RPTOR: variants seen among roughly 807,000 people sequenced by gnomAD.
RPTOR encodes regulatory-associated protein of mTOR.
In RPTOR, 21 loss-of-function variants were observed where a neutral mutation model predicts 169.9. The observed-to-expected ratio is 0.12, with a 90% CI of 0.09 to 0.18. The LOEUF (loss-of-function observed/expected upper bound fraction) is 0.18. Among genes scored for constraint, RPTOR ranks in the 10% least tolerant of loss-of-function variants. The pLI is 1.00. For missense variants in RPTOR, 1,133 were observed against 1,855.9 expected (o/e 0.61, Z 7.16); for synonymous variants, 732 against 753.2 (o/e 0.97, Z 0.46).
chr17:80,634,859 T>TGTGCGTACC, intron 2 of RPTOR, among the ~76,000 whole-genome samples: 1 of 47,612 alleles, frequency 2.1e-5, no homozygotes, highest in Admixed American at 1.6e-4. Context: ...GTGCATACCG[T>TGTGCGTACC]GTGTGTGTGC....
chr17:80,729,886 G>A (rs1449200547), intron 4 of RPTOR, among the ~76,000 whole-genome samples: 1 of 152,124 alleles, frequency 6.6e-6, no homozygotes, highest in African/African-American at 2.4e-5. Context: ...GCAGCCATGG[G>A]GTACATGAGG....
intron 21 of RPTOR, among the ~76,000 whole-genome samples, chr17:80,918,473 G>C (rs2143963487): frequency 9.6e-6 from 1 of 104,470 alleles, no homozygotes; most frequent in South Asian, 2.7e-4. Flanking sequence ...CCTCGCCGGA[G>C]TCATAGCCAC....
chr17:80,582,451 T>C (rs2065022242), intron 1 of RPTOR, among the ~76,000 whole-genome samples: 1 of 151,878 alleles, frequency 6.6e-6, no homozygotes, highest in East Asian at 1.9e-4. Context: ...CCTGCTTCCC[T>C]GAGCTGCACG....
At chr17:80,711,744 C>CTTTTTTTTTTTTT (rs1226456124) in intron 4 of RPTOR, among the ~76,000 whole-genome samples, 12,568 of 87,434 alleles carry the variant, frequency 0.14, 2,696 homozygotes, top group Non-Finnish European at 0.18. Flanking sequence ...ATACATCAGT[C>CTTTTTTTTTTTTT]TTTTTTTTTT....
chr17:80,603,547 C>G (rs2065206647), intron 1 of RPTOR, among the ~76,000 whole-genome samples: 1 of 152,134 alleles, frequency 6.6e-6, no homozygotes, highest in Non-Finnish European at 1.5e-5. Flanking sequence ...CCACTTCCTG[C>G]TTCCAGGATT....
chr17:80,742,795 C>A (rs2143263553), intron 5 of RPTOR, among the ~76,000 whole-genome samples: 1 of 152,166 alleles, frequency 6.6e-6, no homozygotes, highest in Middle Eastern at 3.4e-3. Flanking sequence ...TACACACATG[C>A]ACACGCCTAT....
intron 13 of RPTOR, among the ~76,000 whole-genome samples, chr17:80,876,680 C>T (rs1172015177): frequency 2.1e-4 from 21 of 100,964 alleles, no homozygotes; most frequent in South Asian, 3.9e-4. Context: ...TGTCGCCTGC[C>T]GGGTCTTCCA....
At chr17:80,719,124 T>C (rs963924476) in intron 4 of RPTOR, among the ~76,000 whole-genome samples, 3 of 152,028 alleles carry the variant, frequency 2.0e-5, no homozygotes, top group African/African-American at 7.3e-5. Flanking sequence ...TCGTGAGAAG[T>C]AGGGGCAGAC....
At chr17:80,847,143 C>A (rs1372997643) in intron 11 of RPTOR, among the ~76,000 whole-genome samples, 2 of 152,276 alleles carry the variant, frequency 1.3e-5, no homozygotes, top group Non-Finnish European at 2.9e-5. Context: ...GCAGCCCTTC[C>A]CTTGCACGGG....
chr17:80,772,740 CA>C (rs1433398419), intron 6 of RPTOR, among the ~76,000 whole-genome samples: 1 of 151,980 alleles, frequency 6.6e-6, no homozygotes, highest in African/African-American at 2.4e-5. Flanking sequence ...TCTTAAGGAA[CA>C]GACTAATGTG....
intron 21 of RPTOR, among the ~76,000 whole-genome samples, chr17:80,915,197 AG>A (rs1161982093): frequency 1.3e-5 from 2 of 151,314 alleles, no homozygotes; most frequent in African/African-American, 4.9e-5. Context: ...CCAGCTGCAG[AG>A]AGGAGCTGCA....
intron 24 of RPTOR, among the ~76,000 whole-genome samples, chr17:80,937,886 A>G (rs1439647857): frequency 6.6e-6 from 1 of 151,948 alleles, no homozygotes; most frequent in Non-Finnish European, 1.5e-5. Flanking sequence ...CCGCACCTCC[A>G]CTTCTGCCCA....
rs1248554692 is a variant in RPTOR, at chr17:80,832,479, G to C, written c.1137-5443G>C. 2.0e-5 allele frequency among the ~76,000 whole-genome samples: 3 copies of C among 152,336 alleles called. No homozygotes were observed. The South Asian group carries it at 6.2e-4, about 32-fold the overall frequency. On this transcript the variant is annotated intron_variant, in intron 9 of 33. Coordinates refer to ENST00000306801, the MANE Select transcript of RPTOR (RefSeq NM_020761.3). Reference sequence around the variant, plus strand: ...CTCATCCAGGGAGGGAGGGAATGTGGCCTCCACCTTGAGTGGCATGTCCCA... The same window carrying C: ...CTCATCCAGGGAGGGAGGGAATGTGCCCTCCACCTTGAGTGGCATGTCCCA...
At chr17:80,713,469 G>T (rs2066213712) in intron 4 of RPTOR, among the ~76,000 whole-genome samples, 1 of 152,170 alleles carries the variant, frequency 6.6e-6, no homozygotes, top group Non-Finnish European at 1.5e-5. Context: ...TGATCCTCCA[G>T]GATGTCCCAC....
At chr17:80,725,508 G>A (rs576622216) in intron 4 of RPTOR, among the ~76,000 whole-genome samples, 4 of 152,328 alleles carry the variant, frequency 2.6e-5, no homozygotes, top group Non-Finnish European at 5.9e-5. Flanking sequence ...GCAGCCTTCC[G>A]TGTATACAGG....
chr17:80,778,579 T>A (rs2066911726), intron 6 of RPTOR, among the ~76,000 whole-genome samples: 1 of 152,214 alleles, frequency 6.6e-6, no homozygotes, highest in Admixed American at 6.5e-5. Flanking sequence ...GGAGGATCAC[T>A]TGAGACTAGG....
Position 80,729,862 on chromosome 17 carries a change from C to A in RPTOR, c.508-698C>A, listed in dbSNP as rs183720910. Among the ~76,000 whole-genome samples the A allele has an allele frequency of 2.9e-4, 44 of 152,296 alleles. No homozygotes were observed. The East Asian group carries it at 8.1e-3, about 28-fold the overall frequency. ...TGTGGGTCCATGGAGGGAGGCCCCG[C>A]GGCGGGAACTGAGGCAGCCATGGGG... On this transcript the variant is annotated intron_variant, in intron 4 of 33. Coordinates refer to ENST00000306801, the MANE Select transcript of RPTOR (RefSeq NM_020761.3).
In RPTOR at chr17:80,562,622, A is replaced by G. The variant is rs1012379572; in HGVS notation, c.162+16831A>G. ...AACATGGCGAAACCCCGTCTCTACT[A>G]AAAATACAGGAATTATCTGGGTGTG... On this transcript the variant is annotated intron_variant, in intron 1 of 33. Coordinates refer to ENST00000306801, the MANE Select transcript of RPTOR (RefSeq NM_020761.3). This position sits in a 1 kb window ranked among gnomAD's most constrained non-coding sequence, Gnocchi z 4.4. Among the ~76,000 whole-genome samples the G allele has an allele frequency of 2.0e-5, 3 of 152,166 alleles. No homozygotes were observed. The highest frequency in any genetic ancestry group is 6.5e-5 in the Admixed American group (1 of 15,280).
At position 80,730,059 on chromosome 17, in the gene RPTOR, C is replaced by T. The variant is rs1335802778; in HGVS notation, c.508-501C>T. 1.3e-5 allele frequency among the ~76,000 whole-genome samples: 2 copies of T among 152,186 alleles called. No individual in the cohort carries two copies. The highest frequency in any genetic ancestry group is 2.9e-5 in the Non-Finnish European group (2 of 68,036). ...GACTTTGGCAGCCACCTGGTGTGGG[C>T]GCTACTGGAGTAAAGCAGCATCAGA... On this transcript the variant is annotated intron_variant, in intron 4 of 33. Transcript: ENST00000306801. This position sits in a 1 kb window ranked among gnomAD's most constrained non-coding sequence, Gnocchi z 4.2.
Sources: gnomAD v4.1 joint callset for allele counts (sites outside exome capture counted in the v4.1 genomes callset) on GRCh38, gnomAD v4.1.1 for gene constraint, Gnocchi (gnomAD v3.1) non-coding constraint, MANE v1.5 for transcripts, NCBI Gene and HGNC (gene_info 2026-07-23, HGNC 2026-07-21) for gene names.